The following SPG11 variants were observed in gnomAD, a reference collection of about 807,000 sequenced individuals.
SPG11 encodes the protein SPG11 vesicle trafficking associated, spatacsin.
In SPG11, 222 loss-of-function variants were observed where a neutral mutation model predicts 274.0. The ratio of observed to expected loss-of-function variants is 0.81; its 90% confidence interval spans 0.73 to 0.91. The LOEUF is 0.91. Among genes scored for constraint, SPG11 ranks in the 40% least tolerant of loss-of-function variants. The pLI, the probability that SPG11 is intolerant of heterozygous loss-of-function variation, is 0.00. For missense variants in SPG11, 3,114 were observed against 2,872.7 expected (o/e 1.08, Z -1.92); for synonymous variants, 1,144 against 1,039.7 (o/e 1.10, Z -1.93).
chr15:44,637,089 A>C (rs904678608), intron 7 of SPG11, among the ~76,000 whole-genome samples: 6 of 152,116 alleles, frequency 3.9e-5, no homozygotes, highest in Non-Finnish European at 8.8e-5. Context: ...ACATATAAAA[A>C]CAATGCAAAA....
Position 44,652,231 on chromosome 15 carries a change from A to G in SPG11, c.905T>C (p.Leu302Pro). The G allele has an allele frequency of 6.2e-7, 1 of 1,614,112 alleles. No individual in the cohort carries two copies. The highest frequency in any genetic ancestry group is 8.5e-7 in the Non-Finnish European group (1 of 1,179,986). ...AGGTCCTTGAATAGGAAGATCTTCT[A>G]GTATTCTTTCACACAGTAGGTGTCC... is the stretch of plus-strand genomic sequence containing the variant. ...HPGHLLCERI[L>P]EDLPIQGPKG... Residue 302 changes from leucine to proline, a missense_variant, in exon 5 of 40, where the codon CTA becomes CCA. Physicochemically the swap from Leu to Pro is moderately conservative, Grantham distance 98 (BLOSUM62 -3). Transcript: ENST00000261866.
intron 20 of SPG11, among the ~76,000 whole-genome samples, chr15:44,605,020 A>C: frequency 6.7e-6 from 1 of 149,944 alleles, no homozygotes; most frequent in Non-Finnish European, 1.5e-5. Flanking sequence ...AGTATGTTTT[A>C]AACTTCTAAA....
At chr15:44,617,180 C>T (rs1208354033) in intron 15 of SPG11, among the ~76,000 whole-genome samples, 2 of 152,214 alleles carry the variant, frequency 1.3e-5, no homozygotes, top group African/African-American at 2.4e-5. Context: ...TGGGTGACTA[C>T]AGCTTGGCTG....
intron 11 of SPG11, 135 bp from the exon 12 acceptor site, chr15:44,622,934 C>G (rs925934860): frequency 1.3e-6 from 1 of 761,324 alleles, no homozygotes; most frequent in African/African-American, 1.7e-5. Flanking sequence ...TCTGCTCTTT[C>G]AAACACTCAT....
chr15:44,575,737 C>G (rs2082522184), intron 30 of SPG11, among the ~76,000 whole-genome samples: 1 of 152,140 alleles, frequency 6.6e-6, no homozygotes, highest in Non-Finnish European at 1.5e-5. Context: ...TCAACTGATG[C>G]ATTTGCCTCG....
At chr15:44,656,203 T>C (rs1434682548) in intron 4 of SPG11, among the ~76,000 whole-genome samples, 1 of 152,136 alleles carries the variant, frequency 6.6e-6, no homozygotes, top group Non-Finnish European at 1.5e-5. Flanking sequence ...TCATGAAAAA[T>C]CACTGTAAAA....
intron 35 of SPG11, among the ~76,000 whole-genome samples, chr15:44,567,876 A>G (rs1435555919): frequency 6.6e-6 from 1 of 152,222 alleles, no homozygotes; most frequent in Non-Finnish European, 1.5e-5. Flanking sequence ...CTGTCCCTAA[A>G]GAGATAAGCA....
chr15:44,640,373 G>A (rs961936140), intron 7 of SPG11, among the ~76,000 whole-genome samples: 5 of 151,666 alleles, frequency 3.3e-5, no homozygotes, highest in Non-Finnish European at 5.9e-5. Flanking sequence ...GACCTGCCCC[G>A]CCCCCCAAAA....
intron 33 of SPG11, 50 bp downstream of exon 33, chr15:44,572,633 T>C (rs369715254): frequency 1.2e-6 from 2 of 1,608,922 alleles, no homozygotes; most frequent in Admixed American, 1.7e-5. Flanking sequence ...GGGAGACCTT[T>C]TGAGACCTGT....
At chr15:44,607,592 C>A (rs770993219) in intron 19 of SPG11, among the ~76,000 whole-genome samples, 1 of 151,944 alleles carries the variant, frequency 6.6e-6, no homozygotes, top group African/African-American at 2.4e-5. Context: ...ATAAACCTTA[C>A]GTTGAGTTGA....
chr15:44,656,144 G>A (rs1209046886), intron 4 of SPG11, among the ~76,000 whole-genome samples: 7 of 152,130 alleles, frequency 4.6e-5, no homozygotes, highest in Non-Finnish European at 1.5e-5. Context: ...ATTAATGGAG[G>A]TTTGAGGAAA....
chr15:44,626,627 C>A, intron 10 of SPG11, 120 bp from the exon 11 acceptor site: 3 of 1,050,612 alleles, frequency 2.9e-6, no homozygotes, highest in Non-Finnish European at 4.2e-6. Context: ...AAATCTATTA[C>A]TAGATTTGGA....
intron 7 of SPG11, among the ~76,000 whole-genome samples, chr15:44,643,066 G>C (rs1052598168): frequency 1.3e-4 from 20 of 152,128 alleles, no homozygotes; most frequent in African/African-American, 4.6e-4. Flanking sequence ...TCATTTTTAT[G>C]TAGGAGGAGA....
In SPG11 at chr15:44,566,318, TAAA is replaced by T. The variant is rs765829074; in HGVS notation, c.6755-16_6755-14del. 28 of 1,612,774 alleles carry T rather than the reference TAAA, an allele frequency of 1.7e-5. No homozygotes were observed. The African/African-American group carries it at 1.9e-4, about 11-fold the overall frequency. On this transcript the variant is annotated splice_polypyrimidine_tract_variant and intron_variant, in intron 36 of 39. Transcript: ENST00000261866. The stretch of plus-strand genomic sequence containing the variant: ...TTGAGGCTGTCCTCTGTAGGGGAAA[TAAA>T]GAAGATTTGCCGAGTCTGACTCCCA...
At chr15:44,650,936 C>T (rs2141104272) in intron 6 of SPG11, among the ~76,000 whole-genome samples, 1 of 152,254 alleles carries the variant, frequency 6.6e-6, no homozygotes, top group East Asian at 1.9e-4. Context: ...TTAGTAGAGA[C>T]AGGGTTTCAC....
intron 28 of SPG11, among the ~76,000 whole-genome samples, chr15:44,587,943 T>TAC (rs1373974526): frequency 6.6e-6 from 1 of 152,140 alleles, no homozygotes; most frequent in East Asian, 1.9e-4. Context: ...TTAAAAGGAC[T>TAC]TATCATTTGG....
At position 44,633,622 on chromosome 15, in the gene SPG11, G is replaced by A. The variant is rs758046989; in HGVS notation, c.1618C>T (p.Arg540Cys). 12 of 1,613,176 alleles carry A rather than the reference G, an allele frequency of 7.4e-6. No individual in the cohort carries two copies. Among genetic ancestry groups the A allele is most frequent in the South Asian group, 5.5e-5 (5 of 90,966 alleles). Residue 540 changes from arginine (R) to cysteine (C), a missense_variant, in exon 8 of 40, where the codon CGT becomes TGT. By Grantham distance (180) the Arg-to-Cys change is radical. Transcript: ENST00000261866. ...IHALEAGIENRQLDTVNFFLK... is the reference protein window; with the variant it reads ...IHALEAGIENCQLDTVNFFLK... ...AAGAAATTTACTGTGTCCAGCTGAC[G>A]ATTTTCTATCCCGGCCTGAAATGAG...
intron 11 of SPG11, among the ~76,000 whole-genome samples, chr15:44,624,624 A>G (rs2083846583): frequency 6.6e-6 from 1 of 152,220 alleles, no homozygotes; most frequent in African/African-American, 2.4e-5. Flanking sequence ...ACTAAAGTTA[A>G]TAATAATACA....
chr15:44,582,687 T>G (rs539567979), intron 30 of SPG11, among the ~76,000 whole-genome samples: 1 of 152,040 alleles, frequency 6.6e-6, no homozygotes, highest in Non-Finnish European at 1.5e-5. Flanking sequence ...ATTGGATTTA[T>G]GTAAATGGGG....
Sources: gnomAD v4.1 joint callset for allele counts (sites outside exome capture counted in the v4.1 genomes callset) on GRCh38, gnomAD v4.1.1 for gene constraint, MANE v1.5 for transcripts, NCBI Gene and HGNC (gene_info 2026-07-23, HGNC 2026-07-21) for gene names.